Variants in HEPH observed in about 807,000 individuals in gnomAD.
The protein encoded by HEPH is hephaestin.
In HEPH, 69 loss-of-function variants were observed where a neutral mutation model predicts 80.8. The observed-to-expected ratio is 0.85, with a 90% CI of 0.70 to 1.04. HEPH has a LOEUF of 1.04. HEPH is among the 50% of genes least tolerant of loss of function. HEPH has a pLI of 0.00. For synonymous variants in HEPH, 431 were observed against 322.8 expected (o/e 1.34, Z -3.60); for missense variants, 1,115 against 891.3 (o/e 1.25, Z -3.20).
chrX:66,182,055 C>T (rs1223941742), intron 4 of HEPH, among the ~76,000 whole-genome samples: 2 of 104,978 alleles, frequency 1.9e-5, no homozygotes, highest in African/African-American at 3.5e-5. Context: ...TTCCATTGAT[C>T]TATATCTCTG....
chrX:66,191,970 A>G (rs752966027), intron 6 of HEPH, among the ~76,000 whole-genome samples, 160 bp from the exon 7 acceptor site: 1 of 111,692 alleles, frequency 9.0e-6, no homozygotes, highest in African/African-American at 3.3e-5. Context: ...TCTCTCAGCC[A>G]TGCACTTTAA....
At position 66,266,702 on chromosome X, in the gene HEPH, G is replaced by T; in HGVS notation, c.*30G>T. ...TGGAGCCTGGAGATATCCTCAGGAA[G>T]CACATCTGTAGTGCACTCCCAGCAG... On this transcript the variant is annotated 3_prime_UTR_variant, in exon 21 of 21. Coordinates refer to ENST00000343002, the MANE Select transcript of HEPH (RefSeq NM_001367233.3). 9.3e-7 allele frequency: 1 copy of T among 1,071,930 alleles called. No homozygotes were observed. The highest frequency in any genetic ancestry group is 1.3e-6 in the Non-Finnish European group (1 of 774,081). The allele number at this position is 1,071,930 out of a possible 1,213,427, so 88.3% of individuals were successfully genotyped here. A position where few individuals can be genotyped will look rare whatever the true frequency, so the allele number is the denominator to read the frequency against.
chrX:66,255,093 C>A lies in HEPH; in HGVS notation c.2622C>A (p.Asp874Glu), dbSNP rs1362168103. The change falls in exon 16 of 21, where the codon GAC (aspartate) becomes GAA (glutamate). Residue 874 changes from aspartate to glutamate, a missense_variant. Physicochemically the swap from Asp to Glu is conservative, Grantham distance 45. This residue lies in a region of HEPH where 716 missense variants were observed against 523.5 expected (regional missense o/e 1.37). Coordinates refer to ENST00000343002, the MANE Select transcript of HEPH (RefSeq NM_001367233.3). ...IPERSGPGPN[D>E]SACVSWIYYS... is the part of the protein sequence containing the mutation. ...AGAGGTCTGGCCCTGGGCCCAATGACTCTGCTTGTGTTTCCTGGATCTATT... is the reference window on the plus strand; with the variant it reads ...AGAGGTCTGGCCCTGGGCCCAATGAATCTGCTTGTGTTTCCTGGATCTATT... 1.7e-6 allele frequency: 2 copies of A among 1,208,292 alleles called. No individual in the cohort carries two copies. Among genetic ancestry groups the A allele is most frequent in the Non-Finnish European group, 2.2e-6 (2 of 893,353 alleles).
At chrX:66,259,421 G>A (rs1388350540) in intron 18 of HEPH, among the ~76,000 whole-genome samples, 3 of 111,880 alleles carry the variant, frequency 2.7e-5, no homozygotes, top group African/African-American at 9.8e-5. Flanking sequence ...AGGAGGAAGA[G>A]TTGGGGGCAT....
Position 66,243,669 on chromosome X carries a change from G to GGTTAATATT in HEPH, c.2564-11364_2564-11356dup, listed in dbSNP as rs2090695226. Among the ~76,000 whole-genome samples the GGTTAATATT allele has an allele frequency of 2.7e-5, 3 of 112,833 alleles. 1 individual carries two copies. The South Asian group carries it at 1.1e-3, about 41-fold the overall frequency. ...TGGGGCATTTAACCAGTTTACATTC[G>GGTTAATATT]GTTAATATTGATACATGTAGGTTTG... is the stretch of plus-strand genomic sequence containing the variant. On this transcript the variant is annotated intron_variant, in intron 15 of 20. Transcript: ENST00000343002.
At chrX:66,264,351 A>G (rs1293555471) in intron 20 of HEPH, among the ~76,000 whole-genome samples, 1 of 107,925 alleles carries the variant, frequency 9.3e-6, no homozygotes, top group Non-Finnish European at 1.9e-5. Flanking sequence ...ACAAATATGA[A>G]TCCCCCCTAG....
intron 4 of HEPH, among the ~76,000 whole-genome samples, chrX:66,176,648 C>T (rs890156927): frequency 1.1e-3 from 119 of 111,008 alleles, no homozygotes; most frequent in African/African-American, 3.6e-3. Context: ...ATCCCTCCCC[C>T]CTCTCCCCAC....
intron 12 of HEPH, among the ~76,000 whole-genome samples, chrX:66,201,239 G>A (rs144050328): frequency 7.8e-4 from 86 of 110,574 alleles, no homozygotes; most frequent in East Asian, 6.9e-3. Context: ...CACCCCGTGT[G>A]TGTGTTTGTG....
At chrX:66,264,974 T>A (rs1277988636) in intron 20 of HEPH, among the ~76,000 whole-genome samples, 2 of 108,934 alleles carry the variant, frequency 1.8e-5, no homozygotes, top group Non-Finnish European at 3.8e-5. Flanking sequence ...TGTTAAAAAG[T>A]TTCTACAATG....
intron 18 of HEPH, 143 bp from the exon 19 acceptor site, chrX:66,259,957 G>T: frequency 2.4e-6 from 1 of 412,775 alleles, no homozygotes. Flanking sequence ...TGGTAAAGTG[G>T]ACTTTTAAAA....
chrX:66,239,202 T>C (rs529930003), intron 15 of HEPH, among the ~76,000 whole-genome samples: 1 of 111,968 alleles, frequency 8.9e-6, no homozygotes, highest in African/African-American at 3.2e-5. Flanking sequence ...TCTGTTGGAA[T>C]TTCAGAGGCC....
chrX:66,248,383 C>T (rs996689105), intron 15 of HEPH, among the ~76,000 whole-genome samples: 7 of 111,994 alleles, frequency 6.3e-5, no homozygotes, highest in African/African-American at 2.3e-4. Flanking sequence ...GGATATGCCA[C>T]CTGCCCATTC....
chrX:66,168,727 A>G (rs1234962711), intron 1 of HEPH, among the ~76,000 whole-genome samples: 4 of 111,783 alleles, frequency 3.6e-5, no homozygotes, highest in African/African-American at 6.5e-5. Context: ...TTTTTTATTA[A>G]CAATGCCTAT....
Position 66,193,370 on chromosome X carries a change from G to A in HEPH, c.1233-132G>A, listed in dbSNP as rs955000749. 8.3e-6 allele frequency: 3 copies of A among 361,578 alleles called. No homozygotes were observed. The Admixed American group carries it at 1.6e-4, about 20-fold the overall frequency. 29.8% of individuals were successfully genotyped at this position (361,578 alleles called of 1,213,427 possible). A position where few individuals can be genotyped will look rare whatever the true frequency, so the allele number is the denominator to read the frequency against. On this transcript the variant is annotated intron_variant, in intron 7 of 20. Coordinates refer to ENST00000343002, the MANE Select transcript of HEPH (RefSeq NM_001367233.3). Reference sequence around the variant, plus strand: ...CACCAAAGGAGATATCTTCACTGGTGGGAGTTAACTTAGATGAGCTCTGAG... The same window carrying A: ...CACCAAAGGAGATATCTTCACTGGTAGGAGTTAACTTAGATGAGCTCTGAG...
intron 15 of HEPH, among the ~76,000 whole-genome samples, chrX:66,235,311 A>T (rs957558250): frequency 8.9e-6 from 1 of 111,893 alleles, no homozygotes; most frequent in African/African-American, 3.3e-5. Context: ...GTTTTCTTCC[A>T]GTATTTTTAT....
At chrX:66,258,299 GT>G (rs1186334084) in intron 17 of HEPH, among the ~76,000 whole-genome samples, 1 of 111,884 alleles carries the variant, frequency 8.9e-6, no homozygotes, top group African/African-American at 3.3e-5. Flanking sequence ...GGGAATGAGA[GT>G]TATGGAGAGG....
intron 20 of HEPH, among the ~76,000 whole-genome samples, 200 bp from the exon 21 acceptor site, chrX:66,266,240 G>T (rs2091530917): frequency 9.0e-6 from 1 of 110,773 alleles, no homozygotes; most frequent in Non-Finnish European, 1.9e-5. Context: ...TGATTCTCAA[G>T]GACCCTTATA....
intron 15 of HEPH, among the ~76,000 whole-genome samples, chrX:66,249,927 T>A (rs762773385): frequency 5.4e-5 from 6 of 111,323 alleles, no homozygotes; most frequent in Admixed American, 4.8e-4. Context: ...TTGTGTAGAA[T>A]AGAGTAACAG....
intron 9 of HEPH, among the ~76,000 whole-genome samples, 185 bp from the exon 10 acceptor site, chrX:66,197,498 A>G (rs956220316): frequency 8.9e-6 from 1 of 111,986 alleles, no homozygotes; most frequent in African/African-American, 3.2e-5. Flanking sequence ...AAGTAATGGA[A>G]GAACGAGAAA....
Sources: gnomAD v4.1 joint callset for allele counts (sites outside exome capture counted in the v4.1 genomes callset) on GRCh38, gnomAD v4.1.1 for gene constraint, gnomAD v4.1.1 regional missense constraint, MANE v1.5 for transcripts, NCBI Gene and HGNC (gene_info 2026-07-23, HGNC 2026-07-21) for gene names.